The following SIPA1L1 variants were observed in gnomAD, a reference collection of about 807,000 sequenced individuals.
SIPA1L1 encodes the protein signal induced proliferation associated 1 like 1.
In SIPA1L1, 26 loss-of-function variants were observed where a neutral mutation model predicts 162.7. That is an observed-to-expected ratio of 0.16 (90% confidence interval 0.12 to 0.22). The LOEUF (loss-of-function observed/expected upper bound fraction) is 0.22. Ranked by LOEUF, SIPA1L1 falls within the 10% of genes least tolerant of loss-of-function variation. The pLI, the probability that SIPA1L1 is intolerant of heterozygous loss-of-function variation, is 1.00. For synonymous variants in SIPA1L1, 829 were observed against 837.4 expected, an observed-to-expected ratio of 0.99 and a Z score of 0.17; for missense variants, 1,874 against 2,241.0, an observed-to-expected ratio of 0.84 and a Z score of 3.31.
intron 4 of SIPA1L1, among the ~76,000 whole-genome samples, chr14:71,549,487 T>C (rs916626643): frequency 6.6e-6 from 1 of 152,208 alleles, no homozygotes; most frequent in African/African-American, 2.4e-5. Flanking sequence ...TTATTATTTC[T>C]GCCTAGATTG....
At chr14:71,468,007 T>TGG (rs1043394835) in intron 2 of SIPA1L1, among the ~76,000 whole-genome samples, 5 of 48,486 alleles carry the variant, frequency 1.0e-4, no homozygotes, top group African/African-American at 2.9e-4. Context: ...GTTAGAGGGG[T>TGG]GTGTGTGTGT....
At position 71,428,847 on chromosome 14, in the gene SIPA1L1, T is replaced by C. The variant is rs202229162; in HGVS notation, c.-464-83896T>C. On this transcript the variant is annotated intron_variant, in intron 2 of 23. Transcript: ENST00000381232. ...TCTAGGAAATGTGTGCCCAGCTACC[T>C]GCCCCAGGACTTGGGGTAGATGATG... is the stretch of plus-strand genomic sequence containing the variant. 2.4e-4 allele frequency among the ~76,000 whole-genome samples: 37 copies of C among 152,362 alleles called. 1 individual carries two copies. The East Asian group carries it at 4.6e-3, about 19-fold the overall frequency.
intron 4 of SIPA1L1, among the ~76,000 whole-genome samples, chr14:71,535,018 A>G (rs1414637153): frequency 2.6e-5 from 4 of 152,248 alleles, no homozygotes; most frequent in African/African-American, 7.2e-5. Flanking sequence ...ATACTGGTAA[A>G]AAAGTAGAAA....
intron 2 of SIPA1L1, among the ~76,000 whole-genome samples, chr14:71,493,011 C>A (rs1170860258): frequency 6.6e-6 from 1 of 152,144 alleles, no homozygotes. Context: ...TGTAACTGTT[C>A]TCCAATTTCC....
intron 23 of SIPA1L1, 137 bp from the exon 24 acceptor site, chr14:71,738,881 C>A: frequency 1.1e-6 from 1 of 943,878 alleles, no homozygotes; most frequent in Non-Finnish European, 1.5e-6. Context: ...TGATACCAGT[C>A]CGTTTAGACA....
intron 2 of SIPA1L1, among the ~76,000 whole-genome samples, chr14:71,343,934 G>C (rs191194234): frequency 1.4e-4 from 21 of 152,330 alleles, no homozygotes; most frequent in Middle Eastern, 3.4e-3. Context: ...ATCTATGCTA[G>C]ATGAGTAAAT....
chr14:71,716,751 G>C (rs1182587794), intron 17 of SIPA1L1, among the ~76,000 whole-genome samples: 1 of 152,144 alleles, frequency 6.6e-6, no homozygotes, highest in African/African-American at 2.4e-5. Context: ...TTGCAGATTG[G>C]TCATCTAGCA....
intron 7 of SIPA1L1, among the ~76,000 whole-genome samples, chr14:71,635,907 A>G (rs1454462110): frequency 1.3e-5 from 2 of 152,224 alleles, no homozygotes; most frequent in Admixed American, 6.5e-5. Flanking sequence ...AAGGAAAGCT[A>G]TAGGGCTTAG....
rs550687362 is a variant in SIPA1L1 at position 71,437,289 on chromosome 14, G to T, written c.-464-75454G>T. 1.1e-4 allele frequency among the ~76,000 whole-genome samples: 17 copies of T among 152,196 alleles called. No homozygotes were observed. In the South Asian group the frequency reaches 3.5e-3, roughly 32 times the overall value. ...AGCACTTTTGGAGGCCGAGGCAGGA[G>T]GATTGCTTGAGCCCAGGAGTTCAAA... On this transcript the variant is annotated intron_variant, in intron 2 of 23. Coordinates refer to ENST00000381232, the MANE Select transcript of SIPA1L1 (RefSeq NM_001386936.1).
chr14:71,604,454 A>C (rs2148120462), intron 5 of SIPA1L1, among the ~76,000 whole-genome samples: 1 of 152,170 alleles, frequency 6.6e-6, no homozygotes, highest in East Asian at 1.9e-4. Flanking sequence ...AGTTTGGTGG[A>C]TTTCTGGAGT....
At chr14:71,542,257 T>TC (rs1285591105) in intron 4 of SIPA1L1, among the ~76,000 whole-genome samples, 6 of 149,580 alleles carry the variant, frequency 4.0e-5, no homozygotes, top group Admixed American at 1.3e-4. Context: ...CTCCTCCTCC[T>TC]CTTCTTCTTC....
chr14:71,449,937 A>G (rs570266830), intron 2 of SIPA1L1, among the ~76,000 whole-genome samples: 1 of 152,314 alleles, frequency 6.6e-6, no homozygotes, highest in South Asian at 2.1e-4. Flanking sequence ...CAGGAAGAAA[A>G]CACGCATTGA....
chr14:71,676,712 A>G (rs2045236232), intron 12 of SIPA1L1, among the ~76,000 whole-genome samples: 1 of 143,056 alleles, frequency 7.0e-6, no homozygotes, highest in Non-Finnish European at 1.5e-5. Context: ...ACCTATGAGT[A>G]AGAACATGTG....
At chr14:71,345,235 C>G (rs2036035558) in intron 2 of SIPA1L1, among the ~76,000 whole-genome samples, 1 of 152,088 alleles carries the variant, frequency 6.6e-6, no homozygotes, top group Admixed American at 6.5e-5. Flanking sequence ...TAAGAGGGCA[C>G]TGTGTGGGAG....
Position 71,642,973 on chromosome 14 carries a change from A to C in SIPA1L1, c.1819-7362A>C, listed in dbSNP as rs531131520. Reference sequence around the variant, plus strand: ...AGCAATAGAAACAATTGCCAAAAAAAAAAAAACAAAAAACCCAACATCAAT... The same window carrying C: ...AGCAATAGAAACAATTGCCAAAAAACAAAAAACAAAAAACCCAACATCAAT... On this transcript the variant is annotated intron_variant, in intron 7 of 23. Transcript: ENST00000381232. Among the ~76,000 whole-genome samples, 4 of 152,118 alleles carry C rather than the reference A, an allele frequency of 2.6e-5. No homozygotes were observed. The East Asian group carries it at 5.8e-4, about 22-fold the overall frequency.
At chr14:71,639,393 G>A (rs958862218) in intron 7 of SIPA1L1, among the ~76,000 whole-genome samples, 4 of 152,158 alleles carry the variant, frequency 2.6e-5, no homozygotes, top group African/African-American at 9.7e-5. Flanking sequence ...CTGGGTGACA[G>A]ATTAAGTCCT....
intron 21 of SIPA1L1, among the ~76,000 whole-genome samples, chr14:71,734,480 T>G (rs1375908209): frequency 6.6e-6 from 1 of 152,258 alleles, no homozygotes; most frequent in Admixed American, 6.5e-5. Context: ...TCTAAAATTT[T>G]TATTATTCTT....
At chr14:71,492,471 A>G (rs1339735316) in intron 2 of SIPA1L1, among the ~76,000 whole-genome samples, 1 of 152,192 alleles carries the variant, frequency 6.6e-6, no homozygotes, top group Non-Finnish European at 1.5e-5. Flanking sequence ...GAGCTGTTTA[A>G]TAGTGTGGAC....
At chr14:71,458,223 A>G (rs1052830298) in intron 2 of SIPA1L1, among the ~76,000 whole-genome samples, 3 of 152,140 alleles carry the variant, frequency 2.0e-5, no homozygotes, top group Non-Finnish European at 2.9e-5. Flanking sequence ...TTTTTTGCTT[A>G]CTTTATTATT....
Sources: allele counts gnomAD v4.1 joint callset (sites outside exome capture counted in the v4.1 genomes callset), GRCh38; gene constraint gnomAD v4.1.1; transcripts MANE v1.5; gene names NCBI Gene and HGNC (gene_info 2026-07-23, HGNC 2026-07-21).